The following CEP85L variants were observed in gnomAD, a reference collection of about 807,000 sequenced individuals.
CEP85L encodes the protein centrosomal protein 85L, also known as centrosomal protein of 85 kDa-like.
Under a neutral mutation model 100.3 loss-of-function variants are expected in CEP85L, and 60 were observed. The observed-to-expected ratio is 0.60, with a 90% CI of 0.49 to 0.74. The LOEUF (loss-of-function observed/expected upper bound fraction) is 0.74. CEP85L is among the 30% of genes least tolerant of loss of function. The pLI is 0.00. For synonymous variants in CEP85L, 319 were observed against 322.7 expected, an observed-to-expected ratio of 0.99 and a Z score of 0.12; for missense variants, 973 against 936.2, an observed-to-expected ratio of 1.04 and a Z score of -0.51.
intron 2 of CEP85L, among the ~76,000 whole-genome samples, chr6:118,570,419 G>C (rs2181513): frequency 2.6e-5 from 4 of 151,930 alleles, no homozygotes; most frequent in African/African-American, 4.8e-5. Flanking sequence ...TCCAGTAATG[G>C]GCTACTTTCC....
intron 1 of CEP85L, among the ~76,000 whole-genome samples, chr6:118,636,070 G>A (rs924653048): frequency 3.3e-5 from 5 of 152,174 alleles, no homozygotes; most frequent in Admixed American, 1.3e-4. Context: ...TTCTGCCACT[G>A]TAGTCTAAAT....
At chr6:118,588,556 T>C (rs866994781) in intron 2 of CEP85L, among the ~76,000 whole-genome samples, 21 of 152,296 alleles carry the variant, frequency 1.4e-4, no homozygotes, top group Middle Eastern at 3.4e-3. Context: ...ATCAAAATTA[T>C]TGACAGGCTA....
At chr6:118,514,539 A>AAG (rs1554210590) in intron 4 of CEP85L, among the ~76,000 whole-genome samples, 17 of 105,352 alleles carry the variant, frequency 1.6e-4, no homozygotes, top group African/African-American at 5.4e-4. Flanking sequence ...AAAAAAAAAA[A>AAG]AAAAGAAAAC....
At chr6:118,682,970 A>G (rs1776718065) in intron 1 of CEP85L, among the ~76,000 whole-genome samples, 1 of 152,232 alleles carries the variant, frequency 6.6e-6, no homozygotes, top group African/African-American at 2.4e-5. Context: ...CAAAGGCACC[A>G]GAACAATGCC....
At position 118,615,952 on chromosome 6, in the gene CEP85L, C is replaced by CT. The variant is rs545348656; in HGVS notation, c.232+16500dup. ...TCCATCACTGATTTAAATCTGTATC[C>CT]TTTAGCTGTAACAAACCATAGCCGT... On this transcript the variant is annotated intron_variant, in intron 2 of 12. Coordinates refer to ENST00000368491, the MANE Select transcript of CEP85L (RefSeq NM_001042475.3). Among the ~76,000 whole-genome samples the CT allele has an allele frequency of 4.2e-4, 64 of 152,220 alleles. 1 individual carries two copies. The highest frequency in any genetic ancestry group is 1.5e-3 in the African/African-American group (63 of 41,538).
intron 3 of CEP85L, among the ~76,000 whole-genome samples, chr6:118,545,036 T>C (rs1778114797): frequency 6.6e-6 from 1 of 151,768 alleles, no homozygotes; most frequent in African/African-American, 2.4e-5. Flanking sequence ...GTCTAGGAGA[T>C]CTAATCTAAA....
In CEP85L at chr6:118,531,491, C is replaced by T. The variant is rs1777289652; in HGVS notation, c.1021-7571G>A. The stretch of plus-strand genomic sequence containing the variant: ...ATGAAGACTCCAAAAGCAATCACAA[C>T]AAAACCAAAAGTTGACAAATGGGAC... On this transcript the variant is annotated intron_variant, in intron 3 of 12. Coordinates refer to ENST00000368491, the MANE Select transcript of CEP85L (RefSeq NM_001042475.3). 2.0e-5 allele frequency among the ~76,000 whole-genome samples: 3 copies of T among 152,086 alleles called. No homozygotes were observed. The South Asian group carries it at 6.2e-4, about 32-fold the overall frequency.
chr6:118,638,580 C>A (rs1247089074), intron 1 of CEP85L, among the ~76,000 whole-genome samples: 1 of 147,536 alleles, frequency 6.8e-6, no homozygotes, highest in Admixed American at 6.9e-5. Flanking sequence ...GCAATATGCA[C>A]TTAAAAACTC....
intron 3 of CEP85L, among the ~76,000 whole-genome samples, chr6:118,542,488 A>T (rs1453678498): frequency 2.0e-5 from 3 of 152,182 alleles, no homozygotes; most frequent in Non-Finnish European, 4.4e-5. Flanking sequence ...ACATTTTTCA[A>T]GCTAGTTTAG....
chr6:118,498,453 AT>A, intron 5 of CEP85L, among the ~76,000 whole-genome samples: 1 of 152,334 alleles, frequency 6.6e-6, no homozygotes, highest in South Asian at 2.1e-4. Flanking sequence ...AGAGAAACAG[AT>A]TAATCTACTA....
intron 2 of CEP85L, among the ~76,000 whole-genome samples, chr6:118,628,274 TGATA>T (rs1273784239): frequency 6.6e-6 from 1 of 152,058 alleles, no homozygotes. Context: ...AAAACAACTA[TGATA>T]AATAGGGTAA....
intron 10 of CEP85L, among the ~76,000 whole-genome samples, chr6:118,471,262 C>A (rs1772935898): frequency 6.6e-6 from 1 of 151,932 alleles, no homozygotes; most frequent in Non-Finnish European, 1.5e-5. Context: ...GCCAAAGCAG[C>A]ATAAAGGACA....
chr6:118,615,298 TTC>T (rs1772955950), intron 2 of CEP85L, among the ~76,000 whole-genome samples: 1 of 152,202 alleles, frequency 6.6e-6, no homozygotes, highest in Admixed American at 6.5e-5. Flanking sequence ...AAGCTTATTT[TTC>T]TCTTTCTTCC....
intron 2 of CEP85L, among the ~76,000 whole-genome samples, chr6:118,612,812 G>A (rs1166427771): frequency 1.3e-5 from 2 of 151,332 alleles, no homozygotes; most frequent in African/African-American, 4.9e-5. Flanking sequence ...ATTGAAAACA[G>A]AAAACAAATG....
At chr6:118,499,308 A>T (rs1460596712) in intron 5 of CEP85L, among the ~76,000 whole-genome samples, 1 of 152,254 alleles carries the variant, frequency 6.6e-6, no homozygotes, top group African/African-American at 2.4e-5. Context: ...AGGCTAAAAA[A>T]GACAAATCAT....
chr6:118,556,407 A>G (rs1778879339), intron 3 of CEP85L, among the ~76,000 whole-genome samples: 1 of 152,202 alleles, frequency 6.6e-6, no homozygotes, highest in African/African-American at 2.4e-5. Flanking sequence ...TCTCAAGCCA[A>G]AAATGCCCAG....
intron 1 of CEP85L, among the ~76,000 whole-genome samples, chr6:118,646,511 T>C (rs1017704684): frequency 6.6e-6 from 1 of 151,090 alleles, no homozygotes; most frequent in Non-Finnish European, 1.5e-5. Flanking sequence ...TCTACAAAAA[T>C]ACAAAACATT....
intron 2 of CEP85L, among the ~76,000 whole-genome samples, chr6:118,609,849 C>A (rs1028020985): frequency 6.6e-6 from 1 of 151,974 alleles, no homozygotes; most frequent in Non-Finnish European, 1.5e-5. Flanking sequence ...AATTGAACAC[C>A]CAGGACATAC....
chr6:118,580,194 C>CCCTT (rs149275704), intron 2 of CEP85L, among the ~76,000 whole-genome samples: 3,040 of 152,216 alleles, frequency 0.02, 70 homozygotes, highest in African/African-American at 0.059. Flanking sequence ...ATGGGGGAGC[C>CCCTT]CCTTCCTTCT....
Sources: gnomAD v4.1 joint callset for allele counts (sites outside exome capture counted in the v4.1 genomes callset) on GRCh38, gnomAD v4.1.1 for gene constraint, MANE v1.5 for transcripts, NCBI Gene and HGNC (gene_info 2026-07-23, HGNC 2026-07-21) for gene names.